LRRC4C: variants seen among roughly 807,000 people sequenced by gnomAD.
LRRC4C encodes leucine-rich repeat-containing protein 4C.
In LRRC4C, 5 loss-of-function variants were observed where a neutral mutation model predicts 33.6. That is an observed-to-expected ratio of 0.15 (90% CI 0.08 to 0.31). LRRC4C has a LOEUF of 0.31. LRRC4C is among the 10% of genes least tolerant of loss of function. LRRC4C has a pLI of 1.00. For synonymous variants in LRRC4C, 329 were observed against 302.0 expected (o/e 1.09, Z -0.93); for missense variants, 560 against 796.7 (o/e 0.70, Z 3.58).
intron 1 of LRRC4C, among the ~76,000 whole-genome samples, chr11:41,447,510 C>T (rs1204210958): frequency 6.6e-6 from 1 of 152,078 alleles, no homozygotes; most frequent in Non-Finnish European, 1.5e-5. Flanking sequence ...GGATACTTTG[C>T]CTTTCATTTT....
chr11:40,539,405 T>C lies in LRRC4C; in HGVS notation c.-270+108737A>G, dbSNP rs118051087. 7.2e-5 allele frequency among the ~76,000 whole-genome samples: 11 copies of C among 152,290 alleles called. No individual in the cohort carries two copies. In the East Asian group the frequency reaches 2.1e-3, roughly 29 times the overall value. ...CTATCTGCTAGAATCCTAAAGTTCATAGATTGACTCATTTATCTGTATATC... is the reference window on the plus strand; with the variant it reads ...CTATCTGCTAGAATCCTAAAGTTCACAGATTGACTCATTTATCTGTATATC... On this transcript the variant is annotated intron_variant, in intron 3 of 6. Coordinates refer to ENST00000528697, the MANE Select transcript of LRRC4C (RefSeq NM_001258419.2).
intron 2 of LRRC4C, among the ~76,000 whole-genome samples, chr11:40,684,950 A>G (rs528851799): frequency 6.6e-6 from 1 of 152,210 alleles, no homozygotes; most frequent in Non-Finnish European, 1.5e-5. Flanking sequence ...AATAATTTGT[A>G]TAAAAACTCC....
At chr11:41,325,574 TTTTTGTGTGTGTGTGTGTG>T (rs1262075476) in intron 1 of LRRC4C, among the ~76,000 whole-genome samples, 1 of 99,902 alleles carries the variant, frequency 1.0e-5, no homozygotes, top group Non-Finnish European at 2.2e-5. Flanking sequence ...TAGTTTTTTT[TTTTTGTGTGTGTGTGTGTG>T]TGTGTGTGTG....
At chr11:41,275,312 A>C (rs771412937) in intron 1 of LRRC4C, among the ~76,000 whole-genome samples, 2 of 152,154 alleles carry the variant, frequency 1.3e-5, no homozygotes, top group Non-Finnish European at 2.9e-5. Flanking sequence ...AATGAGAGAA[A>C]ACGAAGATGA....
chr11:40,991,082 A>G (rs1312260278), intron 1 of LRRC4C, among the ~76,000 whole-genome samples: 1 of 148,548 alleles, frequency 6.7e-6, no homozygotes, highest in Non-Finnish European at 1.5e-5. Context: ...TCTATTACAA[A>G]AAAAAAAAAA....
chr11:41,337,039 T>A (rs1038547601), intron 1 of LRRC4C, among the ~76,000 whole-genome samples: 2 of 152,036 alleles, frequency 1.3e-5, no homozygotes, highest in Non-Finnish European at 2.9e-5. Flanking sequence ...AAAATTAACA[T>A]TAAATTCTTT....
intron 2 of LRRC4C, among the ~76,000 whole-genome samples, chr11:40,731,236 G>A (rs1051430198): frequency 2.6e-5 from 4 of 152,036 alleles, no homozygotes; most frequent in Non-Finnish European, 4.4e-5. Flanking sequence ...GGAGAATGGC[G>A]TGAACCCGGG....
chr11:40,611,870 A>T (rs1182890258), intron 3 of LRRC4C, among the ~76,000 whole-genome samples: 1 of 151,750 alleles, frequency 6.6e-6, no homozygotes, highest in African/African-American at 2.4e-5. Context: ...AACAAAAAAC[A>T]ACAAAAAATA....
chr11:40,233,010 C>T (rs1251579054), intron 5 of LRRC4C, among the ~76,000 whole-genome samples: 1 of 152,172 alleles, frequency 6.6e-6, no homozygotes, highest in East Asian at 1.9e-4. Context: ...GTTGATTGAG[C>T]TCCTGGCTAT....
At chr11:41,049,095 G>T (rs1017084662) in intron 1 of LRRC4C, among the ~76,000 whole-genome samples, 1 of 152,298 alleles carries the variant, frequency 6.6e-6, no homozygotes, top group Middle Eastern at 3.4e-3. Flanking sequence ...GTTTGGCTGT[G>T]TCCTCACCCA....
intron 3 of LRRC4C, among the ~76,000 whole-genome samples, chr11:40,350,275 G>A (rs947263540): frequency 2.6e-5 from 4 of 152,040 alleles, no homozygotes; most frequent in Non-Finnish European, 5.9e-5. Flanking sequence ...TGCATGTGCT[G>A]AGATATAGGG....
chr11:40,800,512 C>T (rs1040589149), intron 2 of LRRC4C, among the ~76,000 whole-genome samples: 5 of 152,212 alleles, frequency 3.3e-5, no homozygotes, highest in Non-Finnish European at 7.3e-5. Flanking sequence ...CTCACAATCA[C>T]ACTTTTGCAT....
intron 1 of LRRC4C, among the ~76,000 whole-genome samples, chr11:41,232,237 G>A (rs772426480): frequency 6.6e-6 from 1 of 151,996 alleles, no homozygotes; most frequent in African/African-American, 2.4e-5. Flanking sequence ...ATACAAAAGT[G>A]TGCCTGTCTA....
intron 1 of LRRC4C, among the ~76,000 whole-genome samples, chr11:41,070,433 A>G (rs768445624): frequency 2.6e-5 from 4 of 152,176 alleles, no homozygotes; most frequent in Admixed American, 1.3e-4. Context: ...AAATTAAACT[A>G]AAAAGCTTCT....
At chr11:40,187,110 T>A (rs1445537766) in intron 5 of LRRC4C, among the ~76,000 whole-genome samples, 1 of 151,910 alleles carries the variant, frequency 6.6e-6, no homozygotes, top group African/African-American at 2.4e-5. Context: ...TGGGAAAAAA[T>A]AAAATAGAAT....
At chr11:41,059,166 C>CT (rs2135347784) in intron 1 of LRRC4C, among the ~76,000 whole-genome samples, 1 of 145,430 alleles carries the variant, frequency 6.9e-6, no homozygotes, top group Admixed American at 7.0e-5. Context: ...TAAAATTTGC[C>CT]TATATAAGGA....
chr11:41,437,256 A>C (rs1955458544), intron 1 of LRRC4C, among the ~76,000 whole-genome samples: 1 of 152,192 alleles, frequency 6.6e-6, no homozygotes, highest in Non-Finnish European at 1.5e-5. Context: ...CATTGCTGAC[A>C]AGAATGGTGT....
At chr11:40,249,104 G>A (rs1161114927) in intron 4 of LRRC4C, among the ~76,000 whole-genome samples, 1 of 152,158 alleles carries the variant, frequency 6.6e-6, no homozygotes, top group Non-Finnish European at 1.5e-5. Context: ...TTGGGAGGCG[G>A]AGGCCAGTGG....
At chr11:40,226,259 A>G (rs1484359258) in intron 5 of LRRC4C, among the ~76,000 whole-genome samples, 2 of 152,190 alleles carry the variant, frequency 1.3e-5, no homozygotes, top group Admixed American at 1.3e-4. Context: ...GGCAACAATG[A>G]TAAGCTAGAT....
Sources: allele counts gnomAD v4.1 joint callset (sites outside exome capture counted in the v4.1 genomes callset), GRCh38; gene constraint gnomAD v4.1.1; transcripts MANE v1.5; gene names NCBI Gene and HGNC (gene_info 2026-07-23, HGNC 2026-07-21).